The following DKK2 variants were observed in gnomAD, a reference collection of about 807,000 sequenced individuals.
DKK2 encodes the protein dickkopf-related protein 2.
Under a neutral mutation model 28.1 loss-of-function variants are expected in DKK2, and 11 were observed. The observed-to-expected ratio is 0.39, with a 90% CI of 0.25 to 0.65. DKK2 has a LOEUF of 0.65. Ranked by LOEUF, DKK2 falls within the 30% of genes least tolerant of loss-of-function variation. The probability of loss-of-function intolerance (pLI) is 0.47; values close to 1 mark genes in which losing one functional copy is unlikely to be tolerated. For missense variants in DKK2, 326 were observed against 335.5 expected, an observed-to-expected ratio of 0.97 and a Z score of 0.22; for synonymous variants, 135 against 126.5, an observed-to-expected ratio of 1.07 and a Z score of -0.45.
intron 1 of DKK2, among the ~76,000 whole-genome samples, chr4:106,990,919 A>C (rs1723195056): frequency 6.6e-6 from 1 of 152,070 alleles, no homozygotes; most frequent in African/African-American, 2.4e-5. Flanking sequence ...ATGTAGAAGA[A>C]AATGACAGTC....
chr4:106,999,411 A>G (rs1016551931), intron 1 of DKK2, among the ~76,000 whole-genome samples: 9 of 152,172 alleles, frequency 5.9e-5, no homozygotes, highest in African/African-American at 1.7e-4. Flanking sequence ...CAGTGGCACA[A>G]TCTTGGCTCA....
chr4:106,987,316 A>G (rs1266437832), intron 1 of DKK2, among the ~76,000 whole-genome samples: 1 of 152,208 alleles, frequency 6.6e-6, no homozygotes, highest in African/African-American at 2.4e-5. Context: ...TATTAATAAC[A>G]TATATACTGT....
At chr4:106,984,196 G>T (rs1273183011) in intron 1 of DKK2, among the ~76,000 whole-genome samples, 1 of 152,148 alleles carries the variant, frequency 6.6e-6, no homozygotes, top group Non-Finnish European at 1.5e-5. Context: ...AATTATTGTG[G>T]TATTAATAAA....
At chr4:107,027,772 G>A (rs1389056640) in intron 1 of DKK2, among the ~76,000 whole-genome samples, 2 of 88,970 alleles carry the variant, frequency 2.2e-5, no homozygotes, top group Admixed American at 2.8e-4. Context: ...TTTTTTTTGA[G>A]ACAGAGTCTC....
intron 1 of DKK2, among the ~76,000 whole-genome samples, chr4:107,015,016 C>G (rs1723574177): frequency 6.6e-6 from 1 of 151,444 alleles, no homozygotes; most frequent in Admixed American, 6.6e-5. Flanking sequence ...TTTGACATGA[C>G]AAGCAGTGGT....
chr4:106,956,655 G>C (rs1722596959), intron 1 of DKK2, among the ~76,000 whole-genome samples: 1 of 152,076 alleles, frequency 6.6e-6, no homozygotes, highest in Non-Finnish European at 1.5e-5. Flanking sequence ...ATGGGGAAAG[G>C]ATTCCCTATT....
rs547165465 is a variant in DKK2, at chr4:106,974,635, T to C, written c.223-48686A>G. ...GCAGTTGCTTATCAGCTTAAGGAGA[T>C]TTTGGGCTGAGACAATGGGGTGTTC... On this transcript the variant is annotated intron_variant, in intron 1 of 3. Coordinates refer to ENST00000285311, the MANE Select transcript of DKK2 (RefSeq NM_014421.3). Among the ~76,000 whole-genome samples, 3 of 152,294 alleles carry C rather than the reference T, an allele frequency of 2.0e-5. No homozygotes were observed. The South Asian group carries it at 6.2e-4, about 32-fold the overall frequency.
At chr4:106,996,656 T>C (rs1218838295) in intron 1 of DKK2, among the ~76,000 whole-genome samples, 1 of 152,166 alleles carries the variant, frequency 6.6e-6, no homozygotes, top group Admixed American at 6.5e-5. Context: ...GTCTACAAAC[T>C]AGCAGGATGA....
intron 1 of DKK2, among the ~76,000 whole-genome samples, chr4:107,029,087 G>A (rs1196732127): frequency 6.6e-6 from 1 of 152,188 alleles, no homozygotes. Context: ...TAGTATCCAT[G>A]AAGTACTAAC....
At chr4:107,001,709 A>C (rs975238683) in intron 1 of DKK2, among the ~76,000 whole-genome samples, 2 of 152,176 alleles carry the variant, frequency 1.3e-5, no homozygotes, top group Non-Finnish European at 2.9e-5. Flanking sequence ...ACCATGTTTC[A>C]TACCATTCAG....
chr4:107,027,084 A>T (rs923607746), intron 1 of DKK2, among the ~76,000 whole-genome samples: 3 of 152,196 alleles, frequency 2.0e-5, no homozygotes, highest in African/African-American at 7.2e-5. Context: ...TGCAAAAAAT[A>T]ACTTAGGTAT....
intron 1 of DKK2, among the ~76,000 whole-genome samples, chr4:106,958,673 TAAAAATGCA>T (rs1490024456): frequency 1.3e-5 from 2 of 151,556 alleles, no homozygotes; most frequent in Non-Finnish European, 2.9e-5. Context: ...CCGTCTCTAC[TAAAAATGCA>T]AAAAATTAGC....
At chr4:107,033,370 A>C (rs969392252) in intron 1 of DKK2, among the ~76,000 whole-genome samples, 1 of 152,200 alleles carries the variant, frequency 6.6e-6, no homozygotes, top group African/African-American at 2.4e-5. Context: ...TAGACTTCCA[A>C]ACTCTTTAAG....
chr4:106,983,426 C>G (rs187043900), intron 1 of DKK2, among the ~76,000 whole-genome samples: 1 of 151,884 alleles, frequency 6.6e-6, no homozygotes, highest in Non-Finnish European at 1.5e-5. Flanking sequence ...AGCCTCATAT[C>G]TTACACAAGA....
intron 1 of DKK2, among the ~76,000 whole-genome samples, chr4:107,020,097 TA>T (rs1723668587): frequency 6.6e-6 from 1 of 152,072 alleles, no homozygotes. Context: ...CTTAATTTTG[TA>T]AGGTTCAGGC....
intron 1 of DKK2, among the ~76,000 whole-genome samples, chr4:106,939,938 T>C (rs370063621): frequency 3.9e-5 from 6 of 152,034 alleles, no homozygotes; most frequent in Non-Finnish European, 5.9e-5. Context: ...CCCTTCCTTA[T>C]ACCTTATACA....
chr4:106,977,227 T>C (rs768387758), intron 1 of DKK2, among the ~76,000 whole-genome samples: 3 of 152,174 alleles, frequency 2.0e-5, no homozygotes, highest in Non-Finnish European at 2.9e-5. Context: ...GTGGGGTTGC[T>C]CTTCTCGAGT....
intron 1 of DKK2, among the ~76,000 whole-genome samples, chr4:106,931,220 A>G (rs1261752014): frequency 1.3e-5 from 2 of 152,104 alleles, no homozygotes; most frequent in Non-Finnish European, 2.9e-5. Context: ...GGATTGAGCT[A>G]TATTAAATTT....
intron 1 of DKK2, among the ~76,000 whole-genome samples, chr4:107,018,305 T>C (rs1029741928): frequency 6.6e-6 from 1 of 152,184 alleles, no homozygotes; most frequent in East Asian, 1.9e-4. Context: ...CAGCTGTACA[T>C]GTGGGCTGGC....
Sources: allele counts gnomAD v4.1 joint callset (sites outside exome capture counted in the v4.1 genomes callset), GRCh38; gene constraint gnomAD v4.1.1; transcripts MANE v1.5; gene names NCBI Gene and HGNC (gene_info 2026-07-23, HGNC 2026-07-21).